The following CLEC9A variants were observed in gnomAD, a reference collection of about 807,000 sequenced individuals.
CLEC9A encodes the protein C-type lectin domain containing 9A.
In CLEC9A, 24 loss-of-function variants were observed where a neutral mutation model predicts 30.0. The observed-to-expected ratio is 0.80, with a 90% CI of 0.58 to 1.13. The LOEUF (loss-of-function observed/expected upper bound fraction) is 1.13. Among genes scored for constraint, CLEC9A ranks in the 50% most tolerant of loss-of-function variants. The probability of loss-of-function intolerance (pLI) is 0.00; values close to 1 mark genes in which losing one functional copy is unlikely to be tolerated. For missense variants in CLEC9A, 251 were observed against 280.9 expected (o/e 0.89, Z 0.76); for synonymous variants, 111 against 96.8 (o/e 1.15, Z -0.86).
At chr12:10,048,523 T>C (rs1429995996) in intron 2 of CLEC9A, among the ~76,000 whole-genome samples, 1 of 152,240 alleles carries the variant, frequency 6.6e-6, no homozygotes, top group Non-Finnish European at 1.5e-5. Context: ...ATCCTGCTAC[T>C]GCTTTAAAAA....
chr12:10,039,390 T>C (rs1177640260), intron 1 of CLEC9A, among the ~76,000 whole-genome samples: 2 of 152,228 alleles, frequency 1.3e-5, no homozygotes, highest in Admixed American at 1.3e-4. Context: ...ACCTTTTCCT[T>C]GTGATCAAAA....
chr12:10,032,865 AT>A (rs997505014), intron 1 of CLEC9A, among the ~76,000 whole-genome samples: 1 of 151,980 alleles, frequency 6.6e-6, no homozygotes, highest in Non-Finnish European at 1.5e-5. Flanking sequence ...CACGATTCTA[AT>A]TTTCTTATAT....
At chr12:10,052,443 G>A in intron 3 of CLEC9A, 187 bp from the exon 4 acceptor site, 2 of 1,112,036 alleles carry the variant, frequency 1.8e-6, no homozygotes, top group South Asian at 3.1e-5. Flanking sequence ...TCTATCATTG[G>A]CCATTCTAAA....
At chr12:10,056,617 G>C (rs2137310997) in intron 5 of CLEC9A, among the ~76,000 whole-genome samples, 1 of 152,154 alleles carries the variant, frequency 6.6e-6, no homozygotes, top group East Asian at 1.9e-4. Flanking sequence ...ACAATGGAAG[G>C]TTATATAAGA....
chr12:10,035,087 G>A (rs1468293373), intron 1 of CLEC9A, among the ~76,000 whole-genome samples: 1 of 152,210 alleles, frequency 6.6e-6, no homozygotes, highest in Non-Finnish European at 1.5e-5. Context: ...TCCTCTGATT[G>A]TCCCGGCCAA....
At position 10,052,944 on chromosome 12, in the gene CLEC9A, G is replaced by GA. The variant is rs780544800; in HGVS notation, c.91+171dup. 346 of 699,438 alleles carry GA rather than the reference G, an allele frequency of 4.9e-4. 1 individual carries two copies. Among genetic ancestry groups the GA allele is most frequent in the Middle Eastern group, 2.7e-3 (6 of 2,242 alleles). The allele number at this position is 699,438 out of a possible 1,614,324, so 43.3% of individuals were successfully genotyped here. Reference sequence around the variant, plus strand: ...AAGTGGAGAAGGATTAAGTAACGGTGAAAAATAAAGAGAGCAATACACGTG... The same window carrying GA: ...AAGTGGAGAAGGATTAAGTAACGGTGAAAAAATAAAGAGAGCAATACACGTG... On this transcript the variant is annotated intron_variant, in intron 4 of 8. Coordinates refer to ENST00000355819, the MANE Select transcript of CLEC9A (RefSeq NM_207345.4).
At chr12:10,055,455 C>A (rs1865933481) in intron 5 of CLEC9A, among the ~76,000 whole-genome samples, 1 of 152,054 alleles carries the variant, frequency 6.6e-6, no homozygotes. Flanking sequence ...ATAGAAGAAT[C>A]CATATTTAAC....
intron 1 of CLEC9A, among the ~76,000 whole-genome samples, chr12:10,037,954 A>G (rs981327613): frequency 1.3e-5 from 2 of 152,198 alleles, no homozygotes; most frequent in African/African-American, 4.8e-5. Flanking sequence ...TGTTAAAAAA[A>G]AAAGTTCACA....
rs576243591 is a variant in CLEC9A, at chr12:10,045,078, C to A, written c.-163+3458C>A. 1.3e-5 allele frequency among the ~76,000 whole-genome samples: 2 copies of A among 152,314 alleles called. 1 individual carries two copies. The highest frequency in any genetic ancestry group is 4.8e-5 in the African/African-American group (2 of 41,562). ...TCCATGAACCTATTCCCATCCATTG[C>A]AGATACTTGTCCTGTCCATCTCCTG... On this transcript the variant is annotated intron_variant, in intron 2 of 8. Transcript: ENST00000355819.
At chr12:10,046,537 C>G (rs1865848120) in intron 2 of CLEC9A, among the ~76,000 whole-genome samples, 1 of 152,226 alleles carries the variant, frequency 6.6e-6, no homozygotes, top group East Asian at 1.9e-4. Context: ...TTGCTTCTTG[C>G]TGAATAACTC....
chr12:10,046,556 T>C (rs1166281217), intron 2 of CLEC9A, among the ~76,000 whole-genome samples: 1 of 152,224 alleles, frequency 6.6e-6, no homozygotes, highest in African/African-American at 2.4e-5. Flanking sequence ...TCAGCAAGTA[T>C]TTATAGAATA....
chr12:10,064,882 A>C, intron 8 of CLEC9A, 29 bp downstream of exon 8: 1 of 1,597,832 alleles, frequency 6.3e-7, no homozygotes. Context: ...TGCTACAAGA[A>C]AAGTTAGAAA....
chr12:10,039,499 T>C (rs1239026202), intron 1 of CLEC9A, among the ~76,000 whole-genome samples: 1 of 151,904 alleles, frequency 6.6e-6, no homozygotes, highest in South Asian at 2.1e-4. Context: ...AAAACTATTT[T>C]GTCCCTCTTC....
chr12:10,064,627 CA>C (rs1866026499), intron 7 of CLEC9A, 104 bp from the exon 8 acceptor site: 1 of 1,231,918 alleles, frequency 8.1e-7, no homozygotes, highest in South Asian at 1.6e-5. Context: ...TTCCAGATTT[CA>C]AGTTCCCATT....
chr12:10,036,005 T>C (rs1161393671), intron 1 of CLEC9A, among the ~76,000 whole-genome samples: 1 of 152,234 alleles, frequency 6.6e-6, no homozygotes, highest in Non-Finnish European at 1.5e-5. Context: ...TTTTTCTTCT[T>C]AGGCAATATT....
Position 10,043,600 on chromosome 12 carries a change from C to T in CLEC9A, c.-163+1980C>T, listed in dbSNP as rs1288880757. Among the ~76,000 whole-genome samples, 4 of 132,624 alleles carry T rather than the reference C, an allele frequency of 3.0e-5. No individual in the cohort carries two copies. The East Asian group carries it at 5.9e-4, about 20-fold the overall frequency. 87.0% of individuals were successfully genotyped at this position (132,624 alleles called of 152,430 possible). ...CCATTCATTTCTATATTAATCTTTA[C>T]CATGGAACAGTGTGTGTGTGTGTGT... is the stretch of plus-strand genomic sequence containing the variant. On this transcript the variant is annotated intron_variant, in intron 2 of 8. Coordinates refer to ENST00000355819, the MANE Select transcript of CLEC9A (RefSeq NM_207345.4).
chr12:10,058,463 A>T (rs1008275089), intron 5 of CLEC9A, among the ~76,000 whole-genome samples: 4 of 152,208 alleles, frequency 2.6e-5, no homozygotes, highest in South Asian at 2.1e-4. Context: ...TCTCTAGTCC[A>T]TGGCTTTTGA....
chr12:10,053,229 G>T (rs1191263168), intron 4 of CLEC9A, among the ~76,000 whole-genome samples: 1 of 152,160 alleles, frequency 6.6e-6, no homozygotes, highest in Non-Finnish European at 1.5e-5. Flanking sequence ...ATTCCTGTCT[G>T]CTGGTGTAAC....
At chr12:10,044,409 G>C (rs1016514276) in intron 2 of CLEC9A, among the ~76,000 whole-genome samples, 11 of 152,324 alleles carry the variant, frequency 7.2e-5, no homozygotes, top group African/African-American at 2.2e-4. Context: ...GGATACTACA[G>C]CTACAACTCT....
Sources: allele counts gnomAD v4.1 joint callset (sites outside exome capture counted in the v4.1 genomes callset), GRCh38; gene constraint gnomAD v4.1.1; transcripts MANE v1.5; gene names NCBI Gene and HGNC (gene_info 2026-07-23, HGNC 2026-07-21).